The following SPDYA variants were observed in gnomAD, a reference collection of about 807,000 sequenced individuals.
SPDYA encodes the protein speedy protein A.
Under a neutral mutation model 36.7 loss-of-function variants are expected in SPDYA, and 11 were observed. That is an observed-to-expected ratio of 0.30 (90% confidence interval 0.19 to 0.50). The LOEUF is 0.50. Among genes scored for constraint, SPDYA ranks in the 20% least tolerant of loss-of-function variants. The pLI is 0.98. For synonymous variants in SPDYA, 115 were observed against 118.7 expected (o/e 0.97, Z 0.20); for missense variants, 287 against 370.9 (o/e 0.77, Z 1.86).
intron 6 of SPDYA, among the ~76,000 whole-genome samples, chr2:28,834,465 C>T (rs1350942108): frequency 6.6e-6 from 1 of 152,156 alleles, no homozygotes; most frequent in Non-Finnish European, 1.5e-5. Context: ...GTACAAACAA[C>T]CTGAATGTCC....
In SPDYA at chr2:28,819,171, A is replaced by G. The variant is rs1326780604; in HGVS notation, c.294+65A>G. 3 of 1,190,700 alleles carry G rather than the reference A, an allele frequency of 2.5e-6. No homozygotes were observed. The African/African-American group carries it at 4.6e-5, about 18-fold the overall frequency. 73.8% of individuals were successfully genotyped at this position (1,190,700 alleles called of 1,614,324 possible). A position where few individuals can be genotyped will look rare whatever the true frequency, so the allele number is the denominator to read the frequency against. ...ATGTAACTGAACCATTAGAGCTTTAATGAGACCTTATAAGAATTTTCTATC... is the reference window on the plus strand; with the variant it reads ...ATGTAACTGAACCATTAGAGCTTTAGTGAGACCTTATAAGAATTTTCTATC... On this transcript the variant is annotated intron_variant, in intron 4 of 7. Coordinates refer to ENST00000334056, the MANE Select transcript of SPDYA (RefSeq NM_182756.4).
chr2:28,819,873 T>C (rs369711635), intron 4 of SPDYA, among the ~76,000 whole-genome samples: 1 of 19,000 alleles, frequency 5.3e-5, no homozygotes, highest in African/African-American at 1.4e-4. Flanking sequence ...TATATATATA[T>C]ATATATATAT....
intron 3 of SPDYA, among the ~76,000 whole-genome samples, chr2:28,817,936 G>A (rs1668028896): frequency 3.3e-5 from 5 of 150,952 alleles, no homozygotes. Flanking sequence ...CAAGGCAAGT[G>A]GATCGCTTGA....
At chr2:28,829,995 CA>C (rs1480684770) in intron 6 of SPDYA, among the ~76,000 whole-genome samples, 2 of 141,376 alleles carry the variant, frequency 1.4e-5, no homozygotes, top group East Asian at 4.3e-4. Flanking sequence ...AAAAATTAAC[CA>C]AATGTGGTGG....
intron 5 of SPDYA, among the ~76,000 whole-genome samples, chr2:28,827,989 T>C (rs1411138595): frequency 6.6e-6 from 1 of 152,008 alleles, no homozygotes; most frequent in Non-Finnish European, 1.5e-5. Flanking sequence ...TTTTTCTTTT[T>C]TCTTTTTTCT....
intron 7 of SPDYA, among the ~76,000 whole-genome samples, chr2:28,848,581 T>C (rs1274005955): frequency 2.0e-5 from 3 of 152,252 alleles, no homozygotes; most frequent in Non-Finnish European, 2.9e-5. Flanking sequence ...AGCTCTATCA[T>C]AGACTATAAA....
intron 6 of SPDYA, among the ~76,000 whole-genome samples, chr2:28,835,991 C>T (rs1386957811): frequency 6.6e-6 from 1 of 152,240 alleles, no homozygotes; most frequent in Non-Finnish European, 1.5e-5. Context: ...GAAAGCCTGG[C>T]ATACTGCCAA....
chr2:28,849,812 T>C (rs1174254802), intron 7 of SPDYA, 38 bp from the exon 8 acceptor site: 1 of 1,199,366 alleles, frequency 8.3e-7, no homozygotes, highest in Non-Finnish European at 1.2e-6. Flanking sequence ...AATGGACAGA[T>C]ACATAAAATT....
intron 6 of SPDYA, among the ~76,000 whole-genome samples, chr2:28,829,985 A>G (rs1668440195): frequency 6.8e-6 from 1 of 148,120 alleles, no homozygotes; most frequent in Non-Finnish European, 1.5e-5. Flanking sequence ...AGAAAAATAC[A>G]AAAATTAACC....
At chr2:28,830,140 AAAAC>A (rs113232019) in intron 6 of SPDYA, among the ~76,000 whole-genome samples, 784 of 151,626 alleles carry the variant, frequency 5.2e-3, no homozygotes, top group South Asian at 8.3e-3. Context: ...CTCCATCTCA[AAAAC>A]AAACAAACAA....
intron 6 of SPDYA, among the ~76,000 whole-genome samples, chr2:28,829,530 G>A (rs1487558131): frequency 6.6e-6 from 1 of 151,780 alleles, no homozygotes; most frequent in African/African-American, 2.4e-5. Flanking sequence ...CTGTCAACCG[G>A]GCAAGCCCTG....
rs1257318802 is a variant in SPDYA at position 28,819,116 on chromosome 2, G to A, written c.294+10G>A. On this transcript the variant is annotated intron_variant, in intron 4 of 7. Transcript: ENST00000334056. ...TAAAATTGCAGACAAGGTAAATTTGGTAACAGTATAACAATTAACCAGCAT... is the reference window on the plus strand; with the variant it reads ...TAAAATTGCAGACAAGGTAAATTTGATAACAGTATAACAATTAACCAGCAT... 1.9e-6 allele frequency: 3 copies of A among 1,603,374 alleles called. No homozygotes were observed. The highest frequency in any genetic ancestry group is 8.5e-7 in the Non-Finnish European group (1 of 1,171,852).
At chr2:28,822,997 T>C (rs1014955170) in intron 5 of SPDYA, among the ~76,000 whole-genome samples, 10 of 151,004 alleles carry the variant, frequency 6.6e-5, no homozygotes, top group African/African-American at 2.4e-4. Context: ...TTCTCCTCTT[T>C]GTGACTTAGA....
intron 2 of SPDYA, 73 bp from the exon 3 acceptor site, chr2:28,815,924 A>T: frequency 1.1e-6 from 1 of 910,428 alleles, no homozygotes; most frequent in Non-Finnish European, 1.7e-6. Context: ...TGCATATGGT[A>T]GTATCATCCA....
chr2:28,831,527 G>C (rs1213070816), intron 6 of SPDYA, among the ~76,000 whole-genome samples: 1 of 151,938 alleles, frequency 6.6e-6, no homozygotes, highest in African/African-American at 2.4e-5. Flanking sequence ...TCTTCAAAAA[G>C]GTCACCTTAT....
At chr2:28,836,686 C>G (rs1284246207) in intron 6 of SPDYA, among the ~76,000 whole-genome samples, 3 of 152,092 alleles carry the variant, frequency 2.0e-5, no homozygotes, top group African/African-American at 7.2e-5. Flanking sequence ...ATTTTTTCCC[C>G]TTTTTTCTCA....
chr2:28,837,333 T>C (rs1337569473), intron 6 of SPDYA, among the ~76,000 whole-genome samples: 1 of 152,126 alleles, frequency 6.6e-6, no homozygotes, highest in East Asian at 1.9e-4. Flanking sequence ...CAAATATATA[T>C]AACAGGAAGA....
intron 3 of SPDYA, among the ~76,000 whole-genome samples, chr2:28,818,120 C>T (rs937868869): frequency 3.3e-5 from 5 of 151,836 alleles, no homozygotes; most frequent in Non-Finnish European, 7.4e-5. Flanking sequence ...GAGCCAAGAT[C>T]ACGCCACTGC....
rs1318309326 is a variant in SPDYA at position 28,819,836 on chromosome 2, AAAAAAAAAAAAAAATATATATATATATAT to A, written c.294+732_294+760del. 7.7e-5 allele frequency among the ~76,000 whole-genome samples: 4 copies of A among 52,178 alleles called. No individual in the cohort carries two copies. In the East Asian group the frequency reaches 1.6e-3, roughly 20 times the overall value. 34.2% of individuals were successfully genotyped at this position (52,178 alleles called of 152,430 possible). ...CTGGTCTCTTAAAAAAAAAAAAAAA[AAAAAAAAAAAAAAATATATATATATATAT>A]ATATATATATATATATATATATATA... On this transcript the variant is annotated intron_variant, in intron 4 of 7. Coordinates refer to ENST00000334056, the MANE Select transcript of SPDYA (RefSeq NM_182756.4).
Sources: gnomAD v4.1 joint callset for allele counts (sites outside exome capture counted in the v4.1 genomes callset) on GRCh38, gnomAD v4.1.1 for gene constraint, MANE v1.5 for transcripts, NCBI Gene and HGNC (gene_info 2026-07-23, HGNC 2026-07-21) for gene names.